The following LRRC59 variants were observed in gnomAD, a reference collection of about 807,000 sequenced individuals.
LRRC59 encodes the protein leucine rich repeat containing 59, also known as leucine-rich repeat-containing protein 59.
In LRRC59, 18 loss-of-function variants were observed where a neutral mutation model predicts 33.5. The ratio of observed to expected loss-of-function variants is 0.54; its 90% CI spans 0.37 to 0.80. The LOEUF (loss-of-function observed/expected upper bound fraction) is 0.80, where lower values mean the gene tolerates loss of function less well. Ranked by LOEUF, LRRC59 falls within the 30% of genes least tolerant of loss-of-function variation. The pLI, the probability that LRRC59 is intolerant of heterozygous loss-of-function variation, is 0.00. For synonymous variants in LRRC59, 138 were observed against 160.0 expected (o/e 0.86, Z 1.04); for missense variants, 330 against 391.9 (o/e 0.84, Z 1.33).
At chr17:50,390,217 T>C (rs1214927439) in intron 4 of LRRC59, among the ~76,000 whole-genome samples, 1 of 150,666 alleles carries the variant, frequency 6.6e-6, no homozygotes, top group African/African-American at 2.4e-5. Flanking sequence ...AGGGAGAGTG[T>C]GGAAAGTAAG....
chr17:50,385,312 A>G, intron 5 of LRRC59, 21 bp from the exon 6 acceptor site: 1 of 1,608,290 alleles, frequency 6.2e-7, no homozygotes, highest in Non-Finnish European at 8.5e-7. Flanking sequence ...ACATACCAAA[A>G]TTTGACTTCT....
intron 4 of LRRC59, 37 bp from the exon 5 acceptor site, chr17:50,388,169 G>A: frequency 2.5e-6 from 4 of 1,586,924 alleles, no homozygotes; most frequent in Non-Finnish European, 2.6e-6. Context: ...GCTCTTCATA[G>A]TCATGTTTGC....
At chr17:50,386,636 G>A (rs570042151) in intron 5 of LRRC59, among the ~76,000 whole-genome samples, 1 of 152,302 alleles carries the variant, frequency 6.6e-6, no homozygotes, top group South Asian at 2.1e-4. Context: ...ATGGGCCACT[G>A]AGAGGTGAAG....
At chr17:50,394,854 C>G (rs1355517362) in intron 2 of LRRC59, 75 bp downstream of exon 2, 18 of 1,044,852 alleles carry the variant, frequency 1.7e-5, no homozygotes, top group East Asian at 2.6e-5. Context: ...CCTCCCACCC[C>G]CCTCTCAACC....
intron 5 of LRRC59, 23 bp from the exon 6 acceptor site, chr17:50,385,314 T>C (rs1913978674): frequency 1.9e-6 from 3 of 1,607,810 alleles, no homozygotes; most frequent in Non-Finnish European, 2.5e-6. Context: ...ATACCAAAAT[T>C]TGACTTCTCT....
intron 1 of LRRC59, chr17:50,396,842 T>C (rs1157771842): frequency 3.2e-6 from 1 of 315,518 alleles, no homozygotes; most frequent in Non-Finnish European, 5.7e-6. Context: ...CCTACTCCCC[T>C]GGAACAAGTC....
chr17:50,384,571 G>A (rs889381124), intron 6 of LRRC59, among the ~76,000 whole-genome samples: 4 of 152,102 alleles, frequency 2.6e-5, no homozygotes, highest in African/African-American at 9.7e-5. Flanking sequence ...TTTGAGACCA[G>A]CCCGACCAAC....
intron 6 of LRRC59, among the ~76,000 whole-genome samples, chr17:50,384,574 C>T (rs1427873522): frequency 3.9e-5 from 6 of 151,994 alleles, no homozygotes; most frequent in Non-Finnish European, 2.9e-5. Context: ...GAGACCAGCC[C>T]GACCAACATG....
In LRRC59 at chr17:50,382,729, A is replaced by C. The variant is rs1913895230; in HGVS notation, c.*259T>G. 23 of 499,282 alleles carry C rather than the reference A, an allele frequency of 4.6e-5. No individual in the cohort carries two copies. Among genetic ancestry groups the C allele is most frequent in the Admixed American group, 1.5e-4 (4 of 26,176 alleles). 30.9% of individuals were successfully genotyped at this position (499,282 alleles called of 1,614,324 possible). ...AAAAGGCTATGTTTTCTCTCTCCCCACCCCCAAGCCTACTCCTTTAGGCAT... is the reference window on the plus strand; with the variant it reads ...AAAAGGCTATGTTTTCTCTCTCCCCCCCCCCAAGCCTACTCCTTTAGGCAT... On this transcript the variant is annotated 3_prime_UTR_variant, in exon 7 of 7. Coordinates refer to ENST00000225972, the MANE Select transcript of LRRC59 (RefSeq NM_018509.4).
At chr17:50,391,362 A>AT (rs1914139175) in intron 4 of LRRC59, among the ~76,000 whole-genome samples, 1 of 152,148 alleles carries the variant, frequency 6.6e-6, no homozygotes, top group Non-Finnish European at 1.5e-5. Flanking sequence ...GAAGTATCTT[A>AT]CTCTCTTACT....
intron 5 of LRRC59, 112 bp from the exon 6 acceptor site, chr17:50,385,403 T>TCA: frequency 8.7e-7 from 1 of 1,149,040 alleles, no homozygotes; most frequent in African/African-American, 1.5e-5. Flanking sequence ...GTGCCATGGT[T>TCA]CACATAAGAA....
chr17:50,385,983 G>A (rs982851658), intron 5 of LRRC59, among the ~76,000 whole-genome samples: 12 of 152,220 alleles, frequency 7.9e-5, no homozygotes, highest in Non-Finnish European at 1.8e-4. Flanking sequence ...ATTGAGCTCA[G>A]GAAGTGGAGG....
intron 1 of LRRC59, 143 bp from the exon 2 acceptor site, chr17:50,395,131 G>A: frequency 6.7e-6 from 4 of 596,338 alleles, no homozygotes; most frequent in South Asian, 4.1e-5. Flanking sequence ...ATGTTCCTGG[G>A]AATAAGAGGA....
rs1567819636 is a variant in LRRC59, at chr17:50,383,197, G to A, written c.715C>T (p.Arg239Trp). The A allele has an allele frequency of 2.6e-6, 4 of 1,557,540 alleles. No homozygotes were observed. The highest frequency in any genetic ancestry group is 2.7e-5 in the African/African-American group (2 of 73,658). ...SGSRPRKPPPRKHTRSWAVLK... is the reference protein window; with the variant it reads ...SGSRPRKPPPWKHTRSWAVLK... ...ACAGCCCAGGAACGAGTGTGCTTCCGGGGTGGTGGCTTGCGGGGACGGGAG... is the reference window on the plus strand; with the variant it reads ...ACAGCCCAGGAACGAGTGTGCTTCCAGGGTGGTGGCTTGCGGGGACGGGAG... The change falls in exon 7 of 7, where the codon CGG (arginine) becomes TGG (tryptophan). Residue 239 changes from arginine to tryptophan, a missense_variant. By Grantham distance (101) the Arg-to-Trp change is moderately radical. Coordinates refer to ENST00000225972, the MANE Select transcript of LRRC59 (RefSeq NM_018509.4).
In LRRC59 at chr17:50,382,637, A is replaced by G. The variant is rs1376130321; in HGVS notation, c.*351T>C. Reference sequence around the variant, plus strand: ...GGGTTTGTGGCATACAAAAGTATAAATGTAGTGACAGCTGACCATTTAGTA... The same window carrying G: ...GGGTTTGTGGCATACAAAAGTATAAGTGTAGTGACAGCTGACCATTTAGTA... On this transcript the variant is annotated 3_prime_UTR_variant, in exon 7 of 7. Transcript: ENST00000225972. The G allele has an allele frequency of 3.6e-6, 1 of 274,182 alleles. No individual in the cohort carries two copies. The highest frequency in any genetic ancestry group is 7.0e-6 in the Non-Finnish European group (1 of 142,864). The allele number at this position is 274,182 out of a possible 1,614,324, so 17.0% of individuals were successfully genotyped here.
rs1365748506 is a variant in LRRC59, at chr17:50,397,398, C to T, written c.-81G>A. 9.2e-7 allele frequency: 1 copy of T among 1,090,170 alleles called. No individual in the cohort carries two copies. The highest frequency in any genetic ancestry group is 1.3e-6 in the Non-Finnish European group (1 of 776,060). The allele number at this position is 1,090,170 out of a possible 1,614,324, so 67.5% of individuals were successfully genotyped here. On this transcript the variant is annotated 5_prime_UTR_variant, in exon 1 of 7. Transcript: ENST00000225972. The stretch of plus-strand genomic sequence containing the variant: ...GAAATGTCGCTTGTCAGTTCAGCGG[C>T]CCCCCACCCAAACGACGACGCCTGA...
chr17:50,391,789 C>A (rs1295648384), intron 4 of LRRC59, among the ~76,000 whole-genome samples: 1 of 152,226 alleles, frequency 6.6e-6, no homozygotes, highest in Non-Finnish European at 1.5e-5. Context: ...CAGCCCCTAA[C>A]CCCCGGTACT....
At chr17:50,395,767 G>C (rs1211726293) in intron 1 of LRRC59, among the ~76,000 whole-genome samples, 1 of 152,088 alleles carries the variant, frequency 6.6e-6, no homozygotes, top group Non-Finnish European at 1.5e-5. Context: ...TAGAAAATTA[G>C]CCAGGCATGG....
chr17:50,388,251 G>A (rs1286697722), intron 4 of LRRC59, 119 bp from the exon 5 acceptor site: 6 of 913,454 alleles, frequency 6.6e-6, no homozygotes, highest in Non-Finnish European at 1.0e-5. Flanking sequence ...GAACTAATAA[G>A]AGTTAGGCTG....
Sources: gnomAD v4.1 joint callset for allele counts (sites outside exome capture counted in the v4.1 genomes callset) on GRCh38, gnomAD v4.1.1 for gene constraint, MANE v1.5 for transcripts, NCBI Gene and HGNC (gene_info 2026-07-23, HGNC 2026-07-21) for gene names.